The following LIPH variants were observed in gnomAD, a reference collection of about 807,000 sequenced individuals.
LIPH encodes lipase H, also known as lipase member H.
In LIPH, 32 loss-of-function variants were observed where a neutral mutation model predicts 47.6. That is an observed-to-expected ratio of 0.67 (90% CI 0.51 to 0.90). The LOEUF (loss-of-function observed/expected upper bound fraction) is 0.90. Among genes scored for constraint, LIPH ranks in the 40% least tolerant of loss-of-function variants. The probability of loss-of-function intolerance (pLI) is 0.00; values close to 1 mark genes in which losing one functional copy is unlikely to be tolerated. For missense variants in LIPH, 497 were observed against 541.4 expected, an observed-to-expected ratio of 0.92 and a Z score of 0.81; for synonymous variants, 190 against 195.6, an observed-to-expected ratio of 0.97 and a Z score of 0.24.
chr3:185,541,394 CT>C (rs11349854), intron 1 of LIPH, among the ~76,000 whole-genome samples: 62,876 of 130,560 alleles, frequency 0.48, 12,153 homozygotes, highest in South Asian at 0.64. Context: ...ATCTTTCTTT[CT>C]TTTTTTTTTT....
chr3:185,506,843 A>G lies in LIPH; in HGVS notation c.*1947T>C, dbSNP rs1168006735. The G allele has an allele frequency of 6.7e-6, 1 of 149,282 alleles. No individual in the cohort carries two copies. The highest frequency in any genetic ancestry group is 2.5e-5 in the African/African-American group (1 of 40,278). The allele number at this position is 149,282 out of a possible 1,614,324, so 9.2% of individuals were successfully genotyped here. On this transcript the variant is annotated 3_prime_UTR_variant, in exon 10 of 10. Coordinates refer to ENST00000296252, the MANE Select transcript of LIPH (RefSeq NM_139248.3). ...GGAGACTCCATCTAAAAAAAAAAAAAAAAAAAAAAAAAAAAAACCAGGGCC... is the reference window on the plus strand; with the variant it reads ...GGAGACTCCATCTAAAAAAAAAAAAGAAAAAAAAAAAAAAAAACCAGGGCC...
Position 185,511,705 on chromosome 3 carries a change from GAA to G in LIPH, c.1095-10_1095-9del. On this transcript the variant is annotated splice_polypyrimidine_tract_variant and intron_variant, in intron 8 of 9. Coordinates refer to ENST00000296252, the MANE Select transcript of LIPH (RefSeq NM_139248.3). The stretch of plus-strand genomic sequence containing the variant: ...TGAAATGTGGTGGGTTCACTGGAAG[GAA>G]GAAGTAATACTGAAAAATGGATAAA... 6.2e-7 allele frequency: 1 copy of G among 1,602,348 alleles called. No individual in the cohort carries two copies.
rs968338723 is a variant in LIPH at position 185,535,150 on chromosome 3, A to G, written c.50-18T>C. 6.2e-7 allele frequency: 1 copy of G among 1,613,052 alleles called. No individual in the cohort carries two copies. Among genetic ancestry groups the G allele is most frequent in the African/African-American group, 1.3e-5 (1 of 75,052 alleles). The stretch of plus-strand genomic sequence containing the variant: ...TTCTGCGTCTGAAAATAAAAATTAG[A>G]TGGCATCACGACAGGTCTTTCCTTA... On this transcript the variant is annotated intron_variant, in intron 1 of 9. Coordinates refer to ENST00000296252, the MANE Select transcript of LIPH (RefSeq NM_139248.3).
chr3:185,531,728 T>G (rs1416753745), intron 3 of LIPH, among the ~76,000 whole-genome samples: 2 of 151,884 alleles, frequency 1.3e-5, no homozygotes, highest in Non-Finnish European at 2.9e-5. Flanking sequence ...ATTAAAAAAA[T>G]TAAAATAAAT....
chr3:185,522,650 AAAAGAAAGAAAGAAAGAAAGAAAGAAAG>A (rs59353669), intron 5 of LIPH, among the ~76,000 whole-genome samples: 161 of 142,000 alleles, frequency 1.1e-3, no homozygotes, highest in African/African-American at 3.5e-3. Context: ...GAGAGAAAGA[AAAAGAAAGAAAGAAAGAAAGAAAGAAAG>A]AAAGAAAGAA....
chr3:185,531,572 A>AG (rs941384968), intron 3 of LIPH, among the ~76,000 whole-genome samples: 5 of 150,366 alleles, frequency 3.3e-5, no homozygotes, highest in African/African-American at 1.2e-4. Context: ...AAAAAAAAAA[A>AG]AGAAGAAGAC....
rs1266358191 is a variant in LIPH, at chr3:185,534,748, T to C, written c.417+17A>G. The stretch of plus-strand genomic sequence containing the variant: ...AGTTTCAACTTAGCTCTGAATCATC[T>C]AAGAGAATTCTCTTACCAACATCTG... On this transcript the variant is annotated intron_variant, in intron 2 of 9. Transcript: ENST00000296252. The C allele has an allele frequency of 2.5e-6, 4 of 1,612,456 alleles. No homozygotes were observed. The highest frequency in any genetic ancestry group is 3.4e-6 in the Non-Finnish European group (4 of 1,179,786).
chr3:185,511,184 A>G (rs1304131673), intron 9 of LIPH, among the ~76,000 whole-genome samples: 1 of 151,288 alleles, frequency 6.6e-6, no homozygotes, highest in African/African-American at 2.4e-5. Flanking sequence ...GTCATGTACC[A>G]TCAAATGCAG....
Position 185,533,692 on chromosome 3 carries a change from G to A in LIPH, c.418-13C>T. ...AAGCTCCTTCTGCCTGGAATTTCAA[G>A]AGGTCCATCATTGTAAATTGTAAGG... On this transcript the variant is annotated splice_polypyrimidine_tract_variant and intron_variant, in intron 2 of 9. Coordinates refer to ENST00000296252, the MANE Select transcript of LIPH (RefSeq NM_139248.3). The A allele has an allele frequency of 6.4e-7, 1 of 1,552,070 alleles. No homozygotes were observed. The highest frequency in any genetic ancestry group is 8.9e-7 in the Non-Finnish European group (1 of 1,123,228).
Position 185,508,507 on chromosome 3 carries a change from G to A in LIPH, c.*283C>T. ...CACCCGCGTGACAGGCAGCAGAATTGACAGGTCGGAACAAGGGAGGCCCCA... is the reference window on the plus strand; with the variant it reads ...CACCCGCGTGACAGGCAGCAGAATTAACAGGTCGGAACAAGGGAGGCCCCA... On this transcript the variant is annotated 3_prime_UTR_variant, in exon 10 of 10. Transcript: ENST00000296252. 2.3e-6 allele frequency: 1 copy of A among 425,608 alleles called. No individual in the cohort carries two copies. Among genetic ancestry groups the A allele is most frequent in the Admixed American group, 3.5e-5 (1 of 28,334 alleles). 26.4% of individuals were successfully genotyped at this position (425,608 alleles called of 1,614,324 possible).
intron 4 of LIPH, among the ~76,000 whole-genome samples, chr3:185,526,165 T>A (rs1196336372): frequency 2.0e-5 from 3 of 151,278 alleles, no homozygotes; most frequent in African/African-American, 7.3e-5. Context: ...GATCGATTGA[T>A]CAGCCTGGAC....
chr3:185,523,472 A>G (rs763389230), intron 5 of LIPH, among the ~76,000 whole-genome samples: 2 of 151,732 alleles, frequency 1.3e-5, no homozygotes, highest in Non-Finnish European at 2.9e-5. Flanking sequence ...TGGCATGATC[A>G]CGGCTCACTG....
intron 1 of LIPH, among the ~76,000 whole-genome samples, chr3:185,542,611 C>T (rs1720748130): frequency 6.6e-6 from 1 of 152,138 alleles, no homozygotes; most frequent in African/African-American, 2.4e-5. Flanking sequence ...GCCACCACAC[C>T]CAGCCACTTC....
intron 6 of LIPH, 124 bp downstream of exon 6, chr3:185,519,018 C>G: frequency 1.2e-6 from 1 of 820,530 alleles, no homozygotes; most frequent in South Asian, 1.4e-5. Flanking sequence ...GCCACTGTGC[C>G]CAGCAGAAAA....
chr3:185,521,078 A>G (rs2148951230), intron 5 of LIPH, among the ~76,000 whole-genome samples: 1 of 152,036 alleles, frequency 6.6e-6, no homozygotes, highest in South Asian at 2.1e-4. Flanking sequence ...ATGTTACCCA[A>G]CCTGGCCTTG....
chr3:185,533,408 C>A (rs144725287), intron 3 of LIPH, among the ~76,000 whole-genome samples, 163 bp downstream of exon 3: 1 of 152,174 alleles, frequency 6.6e-6, no homozygotes, highest in East Asian at 1.9e-4. Flanking sequence ...AGCCTGAGGT[C>A]AATATTATTT....
intron 1 of LIPH, among the ~76,000 whole-genome samples, chr3:185,540,741 A>AG (rs1432495306): frequency 5.3e-5 from 8 of 151,826 alleles, no homozygotes; most frequent in Non-Finnish European, 1.0e-4. Flanking sequence ...AAAAAAAAAA[A>AG]GAAATATTTA....
chr3:185,526,527 A>AATAAG (rs1453478304), intron 4 of LIPH, among the ~76,000 whole-genome samples: 2 of 139,488 alleles, frequency 1.4e-5, no homozygotes, highest in Non-Finnish European at 3.2e-5. Flanking sequence ...GTCTCAAAAT[A>AATAAG]ATAAAATAAA....
At chr3:185,531,835 TG>T (rs1720340622) in intron 3 of LIPH, among the ~76,000 whole-genome samples, 1 of 152,154 alleles carries the variant, frequency 6.6e-6, no homozygotes, top group Non-Finnish European at 1.5e-5. Flanking sequence ...TGTTTTGTTT[TG>T]GTTTTTGTTT....
Sources: allele counts gnomAD v4.1 joint callset (sites outside exome capture counted in the v4.1 genomes callset), GRCh38; gene constraint gnomAD v4.1.1; transcripts MANE v1.5; gene names NCBI Gene and HGNC (gene_info 2026-07-23, HGNC 2026-07-21).